PDZRN4: variants seen among roughly 807,000 people sequenced by gnomAD.
The protein encoded by PDZRN4 is PDZ domain containing ring finger 4.
In PDZRN4, 70 loss-of-function variants were observed where a neutral mutation model predicts 99.0. That is an observed-to-expected ratio of 0.71 (90% confidence interval 0.58 to 0.86). PDZRN4 has a LOEUF of 0.86. PDZRN4 is among the 40% of genes least tolerant of loss of function. The pLI is 0.00. For synonymous variants in PDZRN4, 551 were observed against 501.6 expected, an observed-to-expected ratio of 1.10 and a Z score of -1.32; for missense variants, 1,474 against 1,331.2, an observed-to-expected ratio of 1.11 and a Z score of -1.67.
intron 3 of PDZRN4, chr12:41,438,137 G>A: frequency 1.7e-6 from 2 of 1,181,290 alleles, no homozygotes; most frequent in Non-Finnish European, 2.4e-6. Context: ...GGGCAGACTT[G>A]CTGGTTTGGG....
At chr12:41,336,705 T>C (rs1225020392) in intron 3 of PDZRN4, among the ~76,000 whole-genome samples, 1 of 152,018 alleles carries the variant, frequency 6.6e-6, no homozygotes, top group African/African-American at 2.4e-5. Flanking sequence ...GATCAAAGTT[T>C]TTAAAGATAA....
rs1047801036 is a variant in PDZRN4, at chr12:41,203,040, T to G, written c.843+8852T>G. 2.0e-5 allele frequency among the ~76,000 whole-genome samples: 3 copies of G among 152,008 alleles called. No homozygotes were observed. The East Asian group carries it at 5.8e-4, about 29-fold the overall frequency. ...ATAGTTAACAAACATTTGTTAGTTATAGAAAAGGTAGTTTTCACAGTGAAA... is the reference window on the plus strand; with the variant it reads ...ATAGTTAACAAACATTTGTTAGTTAGAGAAAAGGTAGTTTTCACAGTGAAA... On this transcript the variant is annotated intron_variant, in intron 3 of 9. Transcript: ENST00000402685.
intron 3 of PDZRN4, among the ~76,000 whole-genome samples, chr12:41,434,159 T>A (rs1288014086): frequency 6.6e-6 from 1 of 152,234 alleles, no homozygotes; most frequent in African/African-American, 2.4e-5. Context: ...GACTTCCTCT[T>A]CGTCTTCTCT....
At chr12:41,491,766 T>G (rs1479237019) in intron 3 of PDZRN4, among the ~76,000 whole-genome samples, 1 of 152,186 alleles carries the variant, frequency 6.6e-6, no homozygotes, top group Non-Finnish European at 1.5e-5. Context: ...ATAAACTGAT[T>G]AAGCATTGAA....
chr12:41,339,534 C>T (rs1951800413), intron 3 of PDZRN4, among the ~76,000 whole-genome samples: 1 of 151,926 alleles, frequency 6.6e-6, no homozygotes, highest in Non-Finnish European at 1.5e-5. Context: ...TTAAGTAATA[C>T]CCAAAAAGCA....
intron 3 of PDZRN4, among the ~76,000 whole-genome samples, chr12:41,422,578 C>T (rs1305757151): frequency 6.6e-6 from 1 of 152,098 alleles, no homozygotes; most frequent in Admixed American, 6.6e-5. Context: ...GGACCTTCTT[C>T]ACATGGTGAC....
chr12:41,495,977 T>C (rs2120644024), intron 3 of PDZRN4, among the ~76,000 whole-genome samples: 1 of 152,256 alleles, frequency 6.6e-6, no homozygotes, highest in East Asian at 1.9e-4. Context: ...GTTAATACCT[T>C]CCTTTCAGCT....
At chr12:41,369,759 G>A (rs901903138) in intron 3 of PDZRN4, among the ~76,000 whole-genome samples, 1 of 151,750 alleles carries the variant, frequency 6.6e-6, no homozygotes, top group Non-Finnish European at 1.5e-5. Flanking sequence ...TTATAAAGTA[G>A]CAGTTAAATT....
chr12:41,320,815 T>C (rs1951671788), intron 3 of PDZRN4, among the ~76,000 whole-genome samples: 1 of 152,198 alleles, frequency 6.6e-6, no homozygotes, highest in Non-Finnish European at 1.5e-5. Context: ...TGAGTCAAGT[T>C]AATTAGAATA....
At chr12:41,448,495 G>C (rs1423041485) in intron 3 of PDZRN4, among the ~76,000 whole-genome samples, 3 of 119,124 alleles carry the variant, frequency 2.5e-5, no homozygotes, top group African/African-American at 1.1e-4. Context: ...ATAGTCAGAT[G>C]CTTCTGTGTG....
chr12:41,317,979 T>C (rs935847237), intron 3 of PDZRN4, among the ~76,000 whole-genome samples: 2 of 152,212 alleles, frequency 1.3e-5, no homozygotes, highest in Non-Finnish European at 2.9e-5. Flanking sequence ...GATTTTGATG[T>C]TCCCCATGGA....
At chr12:41,246,883 A>T (rs574001677) in intron 3 of PDZRN4, among the ~76,000 whole-genome samples, 1 of 151,960 alleles carries the variant, frequency 6.6e-6, no homozygotes, top group African/African-American at 2.4e-5. Flanking sequence ...TATACAGTTA[A>T]TTTTTTTTCT....
chr12:41,382,996 G>A (rs1952138247), intron 3 of PDZRN4, among the ~76,000 whole-genome samples: 1 of 152,108 alleles, frequency 6.6e-6, no homozygotes, highest in South Asian at 2.1e-4. Flanking sequence ...CCCTAGAAAG[G>A]TAGTAAATGA....
At chr12:41,367,467 C>T (rs917540115) in intron 3 of PDZRN4, among the ~76,000 whole-genome samples, 2 of 152,000 alleles carry the variant, frequency 1.3e-5, no homozygotes, top group African/African-American at 4.8e-5. Context: ...CGAGATCGTA[C>T]CATTGCACTC....
At chr12:41,200,304 A>T (rs1950805647) in intron 3 of PDZRN4, among the ~76,000 whole-genome samples, 1 of 152,102 alleles carries the variant, frequency 6.6e-6, no homozygotes, top group African/African-American at 2.4e-5. Context: ...TGTAAGTATA[A>T]GTGTCACCCT....
At position 41,466,332 on chromosome 12, in the gene PDZRN4, C is replaced by T. The variant is rs11180930; in HGVS notation, c.844-40124C>T. Among the ~76,000 whole-genome samples the T allele has an allele frequency of 5.4e-3, 817 of 152,192 alleles. 11 individuals carry two copies. The highest frequency in any genetic ancestry group is 0.019 in the African/African-American group (779 of 41,492). On this transcript the variant is annotated intron_variant, in intron 3 of 9. Transcript: ENST00000402685. The stretch of plus-strand genomic sequence containing the variant: ...CTACACCTAGGTTAGGCATTAATAC[C>T]GCCATTATCTCCAACACAAATCCCC...
Position 41,272,566 on chromosome 12 carries a change from C to T in PDZRN4, c.843+78378C>T, listed in dbSNP as rs1951321842. On this transcript the variant is annotated intron_variant, in intron 3 of 9. Transcript: ENST00000402685. ...TTGCCTCAATAAATATATACCTATA[C>T]TATCAGTTATTTCTAACTTCTCAGG... Among the ~76,000 whole-genome samples, 6 of 151,988 alleles carry T rather than the reference C, an allele frequency of 3.9e-5. No individual in the cohort carries two copies. The South Asian group carries it at 1.2e-3, about 31-fold the overall frequency.
intron 3 of PDZRN4, among the ~76,000 whole-genome samples, chr12:41,356,065 A>T (rs1219524620): frequency 6.6e-6 from 1 of 152,004 alleles, no homozygotes; most frequent in Non-Finnish European, 1.5e-5. Context: ...ACTCTCTTTG[A>T]AGTTGCTCTG....
chr12:41,462,783 AT>A (rs36036436), intron 3 of PDZRN4, among the ~76,000 whole-genome samples: 3 of 151,556 alleles, frequency 2.0e-5, no homozygotes, highest in East Asian at 1.9e-4. Context: ...TAATTCTGTG[AT>A]TTTTTTTTCA....
Sources: allele counts gnomAD v4.1 joint callset (sites outside exome capture counted in the v4.1 genomes callset), GRCh38; gene constraint gnomAD v4.1.1; transcripts MANE v1.5; gene names NCBI Gene and HGNC (gene_info 2026-07-23, HGNC 2026-07-21).